The following PRR16 variants were observed in gnomAD, a reference collection of about 807,000 sequenced individuals.
PRR16 encodes the protein proline rich 16.
In PRR16, 6 loss-of-function variants were observed where a neutral mutation model predicts 18.2. That is an observed-to-expected ratio of 0.33 (90% CI 0.18 to 0.65). PRR16 has a LOEUF of 0.65. Ranked by LOEUF, PRR16 falls within the 30% of genes least tolerant of loss-of-function variation. PRR16 has a pLI of 0.74. For synonymous variants in PRR16, 151 were observed against 147.8 expected, an observed-to-expected ratio of 1.02 and a Z score of -0.16; for missense variants, 412 against 376.6, an observed-to-expected ratio of 1.09 and a Z score of -0.78.
chr5:120,766,326 A>ATTTTCATT, the PRR16 span, among the ~76,000 whole-genome samples: 1 of 151,800 alleles, frequency 6.6e-6, no homozygotes, highest in Non-Finnish European at 1.5e-5. Context: ...TGTGGTTTTA[A>ATTTTCATT]TTTTCATTTT....
At chr5:120,730,913 G>A in the PRR16 span, among the ~76,000 whole-genome samples, 1,264 of 152,112 alleles carry the variant, frequency 8.3e-3, 8 homozygotes, top group Non-Finnish European at 0.013. Flanking sequence ...TATTGCCTCT[G>A]GACTCAATTA....
intron 1 of PRR16, among the ~76,000 whole-genome samples, chr5:120,595,859 T>A (rs1225402511): frequency 1.3e-5 from 2 of 151,964 alleles, no homozygotes; most frequent in African/African-American, 4.8e-5. Flanking sequence ...TTTAGAAAAA[T>A]TTAACTTTGC....
the PRR16 span, among the ~76,000 whole-genome samples, chr5:120,724,256 T>G: frequency 6.6e-6 from 1 of 152,096 alleles, no homozygotes; most frequent in Admixed American, 6.6e-5. Flanking sequence ...TTCACTATAT[T>G]TAGTCTTTCC....
At chr5:120,734,075 ATCT>A in the PRR16 span, among the ~76,000 whole-genome samples, 1 of 152,098 alleles carries the variant, frequency 6.6e-6, no homozygotes, top group African/African-American at 2.4e-5. Flanking sequence ...TACATCTGTA[ATCT>A]TCAACTGAAA....
intron 1 of PRR16, among the ~76,000 whole-genome samples, chr5:120,637,662 G>A (rs1257116371): frequency 6.6e-6 from 1 of 151,974 alleles, no homozygotes; most frequent in Non-Finnish European, 1.5e-5. Context: ...GGTGAGGGAT[G>A]GCAAGAGATA....
chr5:120,489,531 T>G (rs951801179), intron 1 of PRR16, among the ~76,000 whole-genome samples: 10 of 152,188 alleles, frequency 6.6e-5, no homozygotes, highest in Admixed American at 6.5e-4. Flanking sequence ...CCCTTTATTT[T>G]GAGCCTATGT....
chr5:120,622,950 T>A (rs1250516644), intron 1 of PRR16, among the ~76,000 whole-genome samples: 1 of 152,186 alleles, frequency 6.6e-6, no homozygotes, highest in Non-Finnish European at 1.5e-5. Flanking sequence ...AATAAAAATG[T>A]GTAATTTTCT....
At chr5:120,558,701 T>C (rs186522103) in intron 1 of PRR16, among the ~76,000 whole-genome samples, 22 of 152,124 alleles carry the variant, frequency 1.4e-4, no homozygotes, top group Non-Finnish European at 7.4e-5. Flanking sequence ...GCTCTATTTT[T>C]AGTTTGTTGA....
In PRR16 at chr5:120,672,908, G is replaced by GTT. The variant is rs1481559128; in HGVS notation, c.160-13046_160-13045insTT. 6.1e-3 allele frequency among the ~76,000 whole-genome samples: 935 copies of GTT among 152,200 alleles called. 16 individuals are homozygous for GTT. Among genetic ancestry groups the GTT allele is most frequent in the African/African-American group, 0.021 (870 of 41,550 alleles). On this transcript the variant is annotated intron_variant, in intron 1 of 1. Transcript: ENST00000407149. The stretch of plus-strand genomic sequence containing the variant: ...ATTTTGAAGTGTATACACACAAAAT[G>GTT]CAACTAGTTGCATCTTGTACATCTA...
chr5:120,577,629 G>A (rs997134231), intron 1 of PRR16, among the ~76,000 whole-genome samples: 2 of 152,076 alleles, frequency 1.3e-5, no homozygotes, highest in African/African-American at 4.8e-5. Flanking sequence ...TTTACTTTGG[G>A]TAGGTAACGT....
chr5:120,750,750 G>A, the PRR16 span, among the ~76,000 whole-genome samples: 2 of 151,988 alleles, frequency 1.3e-5, no homozygotes, highest in African/African-American at 4.8e-5. Flanking sequence ...AATGTATAAT[G>A]ATCAAATCTG....
chr5:120,537,785 T>A lies in PRR16; in HGVS notation c.159+73140T>A, dbSNP rs1291658880. 2.1e-5 allele frequency among the ~76,000 whole-genome samples: 3 copies of A among 145,684 alleles called. No individual in the cohort carries two copies. The East Asian group carries it at 6.0e-4, about 29-fold the overall frequency. On this transcript the variant is annotated intron_variant, in intron 1 of 1. Coordinates refer to ENST00000407149, the MANE Select transcript of PRR16 (RefSeq NM_001300783.2). ...ATTTTTAATGTTTTTTTTTTTTTTT[T>A]TTTTTTTTTGAGACGGAGTCTCGCT...
chr5:120,566,639 G>A (rs1357551238), intron 1 of PRR16, among the ~76,000 whole-genome samples: 3 of 152,070 alleles, frequency 2.0e-5, no homozygotes, highest in African/African-American at 4.8e-5. Context: ...AGGGAGAAAC[G>A]GAAACACTTC....
chr5:120,707,676 C>T, the PRR16 span, among the ~76,000 whole-genome samples: 5 of 152,140 alleles, frequency 3.3e-5, no homozygotes, highest in Admixed American at 1.3e-4. Context: ...TCCGTTTACC[C>T]TCTTTAAATG....
the PRR16 span, among the ~76,000 whole-genome samples, chr5:120,712,382 A>G: frequency 1.3e-5 from 2 of 152,080 alleles, no homozygotes; most frequent in Non-Finnish European, 2.9e-5. Flanking sequence ...ACCTACAGCT[A>G]TACGTTTCTT....
At chr5:120,568,390 C>G (rs1217553394) in intron 1 of PRR16, among the ~76,000 whole-genome samples, 1 of 152,058 alleles carries the variant, frequency 6.6e-6, no homozygotes, top group African/African-American at 2.4e-5. Flanking sequence ...AAGAGATGAA[C>G]TTAATGTCAT....
At chr5:120,548,066 T>C (rs780230401) in intron 1 of PRR16, among the ~76,000 whole-genome samples, 4 of 152,088 alleles carry the variant, frequency 2.6e-5, no homozygotes, top group Admixed American at 2.0e-4. Flanking sequence ...TCTAAAGAGA[T>C]ACTGAGGACA....
intron 1 of PRR16, among the ~76,000 whole-genome samples, chr5:120,555,977 G>A (rs1278608480): frequency 2.0e-5 from 3 of 151,758 alleles, no homozygotes; most frequent in East Asian, 1.9e-4. Context: ...TTGTATGTCA[G>A]CTAAGTCATA....
At chr5:120,568,482 T>C (rs1752804513) in intron 1 of PRR16, among the ~76,000 whole-genome samples, 1 of 152,118 alleles carries the variant, frequency 6.6e-6, no homozygotes, top group Non-Finnish European at 1.5e-5. Flanking sequence ...GGGAAAAAAA[T>C]GACTTTTTAA....
Sources: allele counts gnomAD v4.1 joint callset (sites outside exome capture counted in the v4.1 genomes callset), GRCh38; gene constraint gnomAD v4.1.1; transcripts MANE v1.5; gene names NCBI Gene and HGNC (gene_info 2026-07-23, HGNC 2026-07-21).